ADGRB3: variants seen among roughly 807,000 people sequenced by gnomAD.
The protein encoded by ADGRB3 is adhesion G protein-coupled receptor B3.
In ADGRB3, 37 loss-of-function variants were observed where a neutral mutation model predicts 193.4. The observed-to-expected ratio is 0.19, with a 90% CI of 0.15 to 0.25. The LOEUF (loss-of-function observed/expected upper bound fraction) is 0.25. Among genes scored for constraint, ADGRB3 ranks in the 10% least tolerant of loss-of-function variants. The pLI, the probability that ADGRB3 is intolerant of heterozygous loss-of-function variation, is 1.00. For missense variants in ADGRB3, 1,637 were observed against 1,852.9 expected (o/e 0.88, Z 2.14); for synonymous variants, 690 against 644.2 (o/e 1.07, Z -1.08).
chr6:68,953,610 T>C (rs1192620536), intron 6 of ADGRB3, among the ~76,000 whole-genome samples: 1 of 152,204 alleles, frequency 6.6e-6, no homozygotes, highest in Admixed American at 6.5e-5. Flanking sequence ...TTCTTTTTAG[T>C]CTGGAAAATA....
At chr6:68,811,019 A>G (rs1767502723) in intron 3 of ADGRB3, among the ~76,000 whole-genome samples, 1 of 152,170 alleles carries the variant, frequency 6.6e-6, no homozygotes, top group Non-Finnish European at 1.5e-5. Flanking sequence ...TTTAACATAA[A>G]GAACAACTAT....
intron 3 of ADGRB3, among the ~76,000 whole-genome samples, chr6:68,795,285 T>C (rs915870057): frequency 6.6e-6 from 1 of 151,714 alleles, no homozygotes. Flanking sequence ...GAAGAAAAAA[T>C]AGAAAATTAA....
At chr6:69,319,689 C>A (rs1002568636) in intron 20 of ADGRB3, among the ~76,000 whole-genome samples, 1 of 151,140 alleles carries the variant, frequency 6.6e-6, no homozygotes, top group Non-Finnish European at 1.5e-5. Context: ...TATGAAAAGT[C>A]CCTCTTCATC....
intron 17 of ADGRB3, among the ~76,000 whole-genome samples, chr6:69,086,134 G>T (rs1056888850): frequency 6.6e-6 from 1 of 151,838 alleles, no homozygotes. Flanking sequence ...AATATATTTT[G>T]CAAAGAATGA....
Position 68,940,547 on chromosome 6 carries a change from C to CTTTTTTTTTTTTTTTTT in ADGRB3, c.1031-3278_1031-3262dup. Among the ~76,000 whole-genome samples the CTTTTTTTTTTTTTTTTT allele has an allele frequency of 5.8e-5, 4 of 69,216 alleles. 1 individual carries two copies. The highest frequency in any genetic ancestry group is 1.1e-4 in the African/African-American group (2 of 17,562). 45.4% of individuals were successfully genotyped at this position (69,216 alleles called of 152,430 possible). On this transcript the variant is annotated intron_variant, in intron 5 of 31. Transcript: ENST00000370598. ...CTGCAGGCTAAGGAATGCTTTTGAACTTTTTTTTTTTTTTTTTTTTTGCTA... is the reference window on the plus strand; with the variant it reads ...CTGCAGGCTAAGGAATGCTTTTGAACTTTTTTTTTTTTTTTTTTTTTTTTTTTTTTTTTTTTTTGCTA...
chr6:69,366,060 G>C (rs1191342644), intron 29 of ADGRB3, among the ~76,000 whole-genome samples: 1 of 152,054 alleles, frequency 6.6e-6, no homozygotes, highest in Non-Finnish European at 1.5e-5. Context: ...GGGGCACTCT[G>C]TCACTAACAG....
chr6:69,279,059 T>G (rs1767362202), intron 20 of ADGRB3, among the ~76,000 whole-genome samples: 1 of 123,602 alleles, frequency 8.1e-6, no homozygotes, highest in Admixed American at 9.1e-5. Context: ...ATATGGCATA[T>G]TAAATACATA....
intron 3 of ADGRB3, among the ~76,000 whole-genome samples, chr6:68,768,756 C>A (rs1471994188): frequency 1.3e-5 from 2 of 151,904 alleles, no homozygotes; most frequent in Non-Finnish European, 2.9e-5. Flanking sequence ...GAACAGGAAA[C>A]CTACAGAATG....
At chr6:69,336,455 A>T (rs1389072252) in intron 24 of ADGRB3, among the ~76,000 whole-genome samples, 2 of 151,834 alleles carry the variant, frequency 1.3e-5, no homozygotes, top group African/African-American at 2.4e-5. Flanking sequence ...TTTCCAGGGA[A>T]TATTTTATGT....
chr6:69,356,975 C>A (rs1769350714), intron 28 of ADGRB3, among the ~76,000 whole-genome samples: 1 of 151,968 alleles, frequency 6.6e-6, no homozygotes, highest in Non-Finnish European at 1.5e-5. Flanking sequence ...TTGGTGCTGC[C>A]TTTCAAAACA....
rs550488277 is a variant in ADGRB3, at chr6:69,102,464, CT to C, written c.2480+26430del. Among the ~76,000 whole-genome samples, 154 of 152,254 alleles carry C rather than the reference CT, an allele frequency of 1.0e-3. 1 individual carries two copies. Among genetic ancestry groups the C allele is most frequent in the African/African-American group, 3.6e-3 (151 of 41,552 alleles). ...TAAAACTCCTTTTAAGAAAGACCAA[CT>C]TTTATGTTTACTGTGTTTCAGCTTT... On this transcript the variant is annotated intron_variant, in intron 17 of 31. Transcript: ENST00000370598.
intron 17 of ADGRB3, among the ~76,000 whole-genome samples, chr6:69,205,974 TAGTC>T (rs1396775973): frequency 1.7e-4 from 25 of 146,528 alleles, no homozygotes; most frequent in Admixed American, 6.2e-4. Context: ...TACATTGTAT[TAGTC>T]AGGGTTCTCT....
intron 17 of ADGRB3, among the ~76,000 whole-genome samples, chr6:69,078,055 CA>C (rs1399235416): frequency 2.0e-5 from 3 of 151,868 alleles, no homozygotes; most frequent in African/African-American, 7.2e-5. Flanking sequence ...TTGATGTAAT[CA>C]TATTGAATTT....
At chr6:68,719,521 C>T (rs1459445393) in intron 3 of ADGRB3, among the ~76,000 whole-genome samples, 1 of 151,674 alleles carries the variant, frequency 6.6e-6, no homozygotes, top group Non-Finnish European at 1.5e-5. Flanking sequence ...ATTATAAATT[C>T]TATAAGAGAA....
At chr6:68,690,443 T>A (rs2127301596) in intron 3 of ADGRB3, among the ~76,000 whole-genome samples, 1 of 152,138 alleles carries the variant, frequency 6.6e-6, no homozygotes, top group East Asian at 1.9e-4. Flanking sequence ...TAATAATAGA[T>A]TTGCTATTGT....
intron 3 of ADGRB3, among the ~76,000 whole-genome samples, chr6:68,725,048 G>C (rs1421860428): frequency 1.3e-5 from 2 of 151,714 alleles, no homozygotes; most frequent in African/African-American, 2.4e-5. Context: ...ACCACATTTG[G>C]GGGTATGAGA....
At chr6:68,793,507 G>A (rs931050340) in intron 3 of ADGRB3, among the ~76,000 whole-genome samples, 1 of 151,964 alleles carries the variant, frequency 6.6e-6, no homozygotes, top group African/African-American at 2.4e-5. Context: ...TTTCTTCAAG[G>A]TTATATTCTA....
intron 14 of ADGRB3, among the ~76,000 whole-genome samples, chr6:69,048,917 T>C (rs902030570): frequency 1.3e-5 from 2 of 152,120 alleles, no homozygotes; most frequent in African/African-American, 4.8e-5. Context: ...TAATGGCTCC[T>C]TTCAAAAGTG....
chr6:68,892,432 T>G (rs1270607963), intron 3 of ADGRB3, among the ~76,000 whole-genome samples: 1 of 152,216 alleles, frequency 6.6e-6, no homozygotes, highest in Non-Finnish European at 1.5e-5. Flanking sequence ...CAGTTAAGTG[T>G]CACTCCTCAG....
Sources: allele counts gnomAD v4.1 joint callset (sites outside exome capture counted in the v4.1 genomes callset), GRCh38; gene constraint gnomAD v4.1.1; transcripts MANE v1.5; gene names NCBI Gene and HGNC (gene_info 2026-07-23, HGNC 2026-07-21).